SERPINI1: variants seen among roughly 807,000 people sequenced by gnomAD.
SERPINI1 encodes serpin family I member 1.
A neutral mutation model predicts 41.1 loss-of-function variants in SERPINI1; 19 were observed. The observed-to-expected ratio is 0.46, with a 90% CI of 0.32 to 0.68. SERPINI1 has a LOEUF of 0.68. Ranked by LOEUF, SERPINI1 falls within the 30% of genes least tolerant of loss-of-function variation. The pLI is 0.03. For synonymous variants in SERPINI1, 138 were observed against 156.6 expected (o/e 0.88, Z 0.89); for missense variants, 460 against 479.2 (o/e 0.96, Z 0.37).
chr3:167,760,562 TGTGTGTG>T (rs1430339260), intron 1 of SERPINI1, among the ~76,000 whole-genome samples: 8 of 930 alleles, frequency 8.6e-3, no homozygotes, highest in East Asian at 0.05. Context: ...GGCTCCAAAT[TGTGTGTG>T]TGTGTGTGTG....
intron 1 of SERPINI1, among the ~76,000 whole-genome samples, chr3:167,772,481 G>A (rs1266241989): frequency 6.6e-6 from 1 of 151,968 alleles, no homozygotes; most frequent in African/African-American, 2.4e-5. Context: ...TTCTTATTGG[G>A]ATTTTAAAAT....
At chr3:167,739,359 A>G (rs998005024) in intron 1 of SERPINI1, among the ~76,000 whole-genome samples, 1 of 152,178 alleles carries the variant, frequency 6.6e-6, no homozygotes, top group Non-Finnish European at 1.5e-5. Flanking sequence ...GCGCTTTGAT[A>G]GACAGAGTCA....
At chr3:167,800,839 C>T (rs984424833) in intron 5 of SERPINI1, among the ~76,000 whole-genome samples, 36 of 142,028 alleles carry the variant, frequency 2.5e-4, no homozygotes, top group African/African-American at 1.0e-3. Flanking sequence ...CAGAATCTCA[C>T]TCTGTCACCC....
chr3:167,786,693 T>C (rs921343576), intron 1 of SERPINI1, among the ~76,000 whole-genome samples: 1 of 151,680 alleles, frequency 6.6e-6, no homozygotes, highest in Non-Finnish European at 1.5e-5. Flanking sequence ...CTGTATACTT[T>C]GGCTATACTA....
intron 1 of SERPINI1, among the ~76,000 whole-genome samples, chr3:167,767,809 G>A (rs771561703): frequency 5.3e-5 from 8 of 152,134 alleles, no homozygotes; most frequent in Non-Finnish European, 7.4e-5. Context: ...AAGAGAACTC[G>A]AATTGGAGCC....
chr3:167,800,174 A>T (rs1727855799), intron 5 of SERPINI1: 1 of 152,206 alleles, frequency 6.6e-6, no homozygotes, highest in African/African-American at 2.4e-5. Flanking sequence ...CAAGATTTAT[A>T]TACATAGTTG....
intron 2 of SERPINI1, among the ~76,000 whole-genome samples, chr3:167,789,632 G>A (rs193149966): frequency 6.6e-6 from 1 of 152,066 alleles, no homozygotes; most frequent in African/African-American, 2.4e-5. Flanking sequence ...ATCAAAAAAA[G>A]CAAACATTTT....
chr3:167,759,424 G>C (rs572368821), intron 1 of SERPINI1, among the ~76,000 whole-genome samples: 1 of 93,348 alleles, frequency 1.1e-5, no homozygotes, highest in Non-Finnish European at 2.4e-5. Context: ...ATATATATGC[G>C]CCATGCAGTA....
At chr3:167,780,863 T>C (rs2108551443) in intron 1 of SERPINI1, among the ~76,000 whole-genome samples, 1 of 152,296 alleles carries the variant, frequency 6.6e-6, no homozygotes, top group Non-Finnish European at 1.5e-5. Flanking sequence ...ACAATTCAAC[T>C]GAGCGAACAA....
chr3:167,804,809 C>T (rs1344420933), intron 5 of SERPINI1, among the ~76,000 whole-genome samples: 1 of 152,126 alleles, frequency 6.6e-6, no homozygotes, highest in African/African-American at 2.4e-5. Flanking sequence ...TGCCACTGCA[C>T]TCTAGCCTGG....
intron 1 of SERPINI1, among the ~76,000 whole-genome samples, chr3:167,767,857 A>C (rs760543253): frequency 6.6e-6 from 1 of 152,172 alleles, no homozygotes; most frequent in African/African-American, 2.4e-5. Context: ...CTCATGATCA[A>C]ATTTGAAGGG....
intron 2 of SERPINI1, 94 bp downstream of exon 2, chr3:167,789,472 C>T: frequency 1.4e-6 from 2 of 1,453,658 alleles, no homozygotes; most frequent in South Asian, 2.3e-5. Context: ...AATATTTACA[C>T]AGGGTAAAAA....
chr3:167,807,998 A>C (rs1301011978), intron 6 of SERPINI1, among the ~76,000 whole-genome samples: 2 of 151,872 alleles, frequency 1.3e-5, no homozygotes, highest in Non-Finnish European at 1.5e-5. Flanking sequence ...GGTGCCTGTA[A>C]TCCTAGCTAC....
At chr3:167,812,309 T>C (rs908134948) in intron 6 of SERPINI1, among the ~76,000 whole-genome samples, 2 of 152,194 alleles carry the variant, frequency 1.3e-5, no homozygotes, top group African/African-American at 4.8e-5. Flanking sequence ...CAGCAGGGCA[T>C]TGAGACCAGG....
chr3:167,821,291 C>T (rs1272985052), intron 6 of SERPINI1, among the ~76,000 whole-genome samples: 2 of 152,174 alleles, frequency 1.3e-5, no homozygotes, highest in African/African-American at 2.4e-5. Flanking sequence ...AAGAGAAGTG[C>T]CGTGGCCCTT....
chr3:167,798,558 A>G (rs993089693), intron 5 of SERPINI1, among the ~76,000 whole-genome samples: 1 of 152,094 alleles, frequency 6.6e-6, no homozygotes, highest in Non-Finnish European at 1.5e-5. Context: ...TTTCATAGCT[A>G]TACTCTGTGT....
At chr3:167,769,261 G>A (rs1413980008) in intron 1 of SERPINI1, among the ~76,000 whole-genome samples, 1 of 152,018 alleles carries the variant, frequency 6.6e-6, no homozygotes, top group East Asian at 1.9e-4. Flanking sequence ...CAAAGTGCTG[G>A]GATTACAGGC....
chr3:167,775,444 G>C (rs530861268), intron 1 of SERPINI1, among the ~76,000 whole-genome samples: 24 of 151,836 alleles, frequency 1.6e-4, no homozygotes, highest in Admixed American at 8.5e-4. Context: ...ATTTTTAGTA[G>C]AGATGGGCTT....
At chr3:167,765,890 TAAAACATAACA>T (rs1726551814) in intron 1 of SERPINI1, among the ~76,000 whole-genome samples, 1 of 152,188 alleles carries the variant, frequency 6.6e-6, no homozygotes, top group African/African-American at 2.4e-5. Flanking sequence ...GTCTCTTTGC[TAAAACATAACA>T]AGAGTCACCT....
Sources: gnomAD v4.1 joint callset for allele counts (sites outside exome capture counted in the v4.1 genomes callset) on GRCh38, gnomAD v4.1.1 for gene constraint, MANE v1.5 for transcripts, NCBI Gene and HGNC (gene_info 2026-07-23, HGNC 2026-07-21) for gene names.